Variants in FRK observed in about 807,000 individuals in gnomAD.
FRK encodes the protein fyn related Src family tyrosine kinase.
Under a neutral mutation model 56.4 loss-of-function variants are expected in FRK, and 51 were observed. The observed-to-expected ratio is 0.90, with a 90% CI of 0.72 to 1.14. The LOEUF (loss-of-function observed/expected upper bound fraction) is 1.14, where lower values mean the gene tolerates loss of function less well. Ranked by LOEUF, FRK falls within the 50% of genes most tolerant of loss-of-function variation. The probability of loss-of-function intolerance (pLI) is 0.00; values close to 1 mark genes in which losing one functional copy is unlikely to be tolerated. For missense variants in FRK, 570 were observed against 601.4 expected (o/e 0.95, Z 0.55); for synonymous variants, 245 against 217.9 (o/e 1.12, Z -1.10).
chr6:116,062,018 G>GAAAGA (rs138011154), upstream of FRK, among the ~76,000 whole-genome samples: 401 of 151,160 alleles, frequency 2.7e-3, 2 homozygotes, highest in South Asian at 0.012. Flanking sequence ...AAGAAAGAAA[G>GAAAGA]AAAGAAAAGA....
intron 4 of FRK, among the ~76,000 whole-genome samples, chr6:115,959,888 A>T (rs1251276768): frequency 6.6e-6 from 1 of 152,194 alleles, no homozygotes; most frequent in African/African-American, 2.4e-5. Flanking sequence ...TTGTTACACC[A>T]GAGGATCCCA....
chr6:116,059,942 A>AT, intron 1 of FRK, 26 bp downstream of exon 1: 1 of 1,572,544 alleles, frequency 6.4e-7, no homozygotes, highest in Non-Finnish European at 8.7e-7. Context: ...GAGTTCAGAA[A>AT]TTAAGTATAA....
At chr6:116,024,982 A>C (rs1235609681) in intron 1 of FRK, among the ~76,000 whole-genome samples, 1 of 152,096 alleles carries the variant, frequency 6.6e-6, no homozygotes, top group Non-Finnish European at 1.5e-5. Context: ...ATGATATCTC[A>C]TTGTGGTTTT....
chr6:115,945,138 T>C lies in FRK; in HGVS notation c.959-713A>G, dbSNP rs142172843. On this transcript the variant is annotated intron_variant, in intron 5 of 7. Transcript: ENST00000606080. ...TTGATGGGCATTTAGGTTAATTCCATGTCTTTGCTATTGTGAATGGTGCTG... is the reference window on the plus strand; with the variant it reads ...TTGATGGGCATTTAGGTTAATTCCACGTCTTTGCTATTGTGAATGGTGCTG... Among the ~76,000 whole-genome samples, 1,473 of 152,302 alleles carry C rather than the reference T, an allele frequency of 9.7e-3. 7 individuals carry two copies. Among genetic ancestry groups the C allele is most frequent in the African/African-American group, 0.014 (592 of 41,580 alleles).
At chr6:115,944,511 C>G (rs1347693604) in intron 5 of FRK, 86 bp from the exon 6 acceptor site, 2 of 1,021,614 alleles carry the variant, frequency 2.0e-6, no homozygotes, top group South Asian at 1.7e-5. Context: ...AATGTATGAG[C>G]TATCAGTGAG....
intron 1 of FRK, among the ~76,000 whole-genome samples, chr6:116,019,949 AAGGATT>A (rs1373099663): frequency 6.6e-6 from 1 of 152,226 alleles, no homozygotes; most frequent in African/African-American, 2.4e-5. Context: ...TTGGTTGCAT[AAGGATT>A]AAAATTTGAA....
chr6:115,954,315 C>T (rs967893458), intron 5 of FRK, among the ~76,000 whole-genome samples: 3 of 152,180 alleles, frequency 2.0e-5, no homozygotes, highest in Non-Finnish European at 4.4e-5. Context: ...ATGAGTTACA[C>T]ATGCTCTGAT....
At chr6:116,052,827 T>C (rs182941723) in intron 1 of FRK, among the ~76,000 whole-genome samples, 5 of 152,192 alleles carry the variant, frequency 3.3e-5, no homozygotes, top group Admixed American at 3.3e-4. Context: ...GGAAAGAATA[T>C]TGTGAGCTCA....
At chr6:116,053,587 A>G (rs1055617367) in intron 1 of FRK, among the ~76,000 whole-genome samples, 3 of 152,142 alleles carry the variant, frequency 2.0e-5, no homozygotes, top group Non-Finnish European at 4.4e-5. Context: ...ACCAATTTGA[A>G]TCCAATAGAA....
chr6:116,014,234 A>T (rs968518187), intron 1 of FRK, among the ~76,000 whole-genome samples: 1 of 152,226 alleles, frequency 6.6e-6, no homozygotes, highest in Admixed American at 6.5e-5. Context: ...TGGAGAAAAG[A>T]TAAAGCAAAA....
At chr6:115,960,310 C>CT (rs1201195995) in intron 4 of FRK, among the ~76,000 whole-genome samples, 6 of 151,136 alleles carry the variant, frequency 4.0e-5, no homozygotes, top group Admixed American at 3.9e-4. Context: ...TCGGGTCACT[C>CT]CCACCCGAAT....
At chr6:115,950,818 A>G (rs1582637096) in intron 5 of FRK, among the ~76,000 whole-genome samples, 3 of 152,242 alleles carry the variant, frequency 2.0e-5, no homozygotes. Flanking sequence ...GCACATATAC[A>G]CCATGGAACA....
At chr6:116,008,687 C>G (rs888822146) in intron 1 of FRK, among the ~76,000 whole-genome samples, 1 of 152,316 alleles carries the variant, frequency 6.6e-6, no homozygotes, top group African/African-American at 2.4e-5. Flanking sequence ...TTTAGAGCCT[C>G]TGCTGGCCCC....
At chr6:116,085,218 G>C in the FRK span, among the ~76,000 whole-genome samples, 1 of 152,276 alleles carries the variant, frequency 6.6e-6, no homozygotes, top group Middle Eastern at 3.4e-3. Context: ...TAAAGAAATG[G>C]GAAGTGTGGG....
chr6:116,060,057 C>T lies in FRK; in HGVS notation c.255G>A (p.Leu85=). The T allele has an allele frequency of 6.2e-7, 1 of 1,614,156 alleles. No homozygotes were observed. The highest frequency in any genetic ancestry group is 2.2e-5 in the East Asian group (1 of 44,878). The change falls in exon 1 of 8, where the codon TTG becomes TTA. Residue 85 remains leucine (L), a synonymous_variant. Transcript: ENST00000606080. ...LHEGWWFARH[L]EKRRDGSSQQ... ...GACTGGAGCCATCTCGTCTTTTCTC[C>T]AAGTGTCTGGCAAACCACCAGCCCT...
intron 4 of FRK, among the ~76,000 whole-genome samples, chr6:115,958,786 GAGAA>G (rs1773198375): frequency 4.6e-5 from 4 of 87,024 alleles, no homozygotes; most frequent in South Asian, 5.2e-4. Flanking sequence ...GAAGGAGAGA[GAGAA>G]AGAAAGAAAA....
the FRK span, among the ~76,000 whole-genome samples, chr6:116,080,735 G>C: frequency 6.6e-6 from 1 of 152,010 alleles, no homozygotes; most frequent in African/African-American, 2.4e-5. Flanking sequence ...AACATAGAAG[G>C]ACTTCTAAGC....
In FRK at chr6:115,942,516, TG is replaced by T. The variant is rs761637626; in HGVS notation, c.1415del (p.Ala472GlufsTer33). On this transcript the variant is annotated frameshift_variant, in exon 8 of 8. Transcript: ENST00000606080. LOFTEE classifies it high-confidence loss of function. Reference protein sequence around the residue: ...FYNIMLECWNAEPKERPTFET... With the variant: ...FYNIMLECWNXEPKERPTFET... ...CAAATGTAGGTCGTTCCTTAGGCTC[TG>T]CATTCCAGCACTCCAACATGATGTT... 19 of 1,613,750 alleles carry T rather than the reference TG, an allele frequency of 1.2e-5. No individual in the cohort carries two copies. Among genetic ancestry groups the T allele is most frequent in the Admixed American group, 1.2e-4 (7 of 59,954 alleles).
intron 2 of FRK, among the ~76,000 whole-genome samples, chr6:115,974,773 A>C (rs892643963): frequency 1.3e-5 from 2 of 152,148 alleles, no homozygotes; most frequent in African/African-American, 4.8e-5. Flanking sequence ...CCCCATTTGA[A>C]TGCTTTTCCT....
Sources: allele counts gnomAD v4.1 joint callset (sites outside exome capture counted in the v4.1 genomes callset), GRCh38; gene constraint gnomAD v4.1.1; transcripts MANE v1.5; gene names NCBI Gene and HGNC (gene_info 2026-07-23, HGNC 2026-07-21).